The following URGCP variants were observed in gnomAD, a reference collection of about 807,000 sequenced individuals.
URGCP encodes upregulator of cell proliferation.
A neutral mutation model predicts 24.6 loss-of-function variants in URGCP; 13 were observed. The observed-to-expected ratio is 0.53, with a 90% CI of 0.34 to 0.84. The LOEUF (loss-of-function observed/expected upper bound fraction) is 0.84. Ranked by LOEUF, URGCP falls within the 40% of genes least tolerant of loss-of-function variation. URGCP has a pLI of 0.01. For missense variants in URGCP, 899 were observed against 1,194.3 expected (o/e 0.75, Z 3.64); for synonymous variants, 444 against 487.2 (o/e 0.91, Z 1.17).
chr7:43,878,097 G>C lies in URGCP; in HGVS notation c.1366C>G (p.Arg456Gly), dbSNP rs376424255. 4 of 1,614,194 alleles carry C rather than the reference G, an allele frequency of 2.5e-6. No homozygotes were observed. The highest frequency in any genetic ancestry group is 3.3e-4 in the Middle Eastern group (2 of 6,062). Residue 456 changes from arginine to glycine, a missense_variant, in exon 6 of 6, where the codon CGC becomes GGC. Physicochemically the swap from Arg to Gly is moderately radical, Grantham distance 125. Transcript: ENST00000453200. The surrounding 1 kb of genome is among the most constrained non-coding windows in gnomAD (Gnocchi z 5.6). ...VSVEDMAHAA[R>G]KLGLKVDEDC... ...TCGTCGACCTTTAGGCCCAGTTTGC[G>C]GGCTGCGTGCGCCATGTCCTCCACA...
At chr7:43,905,135 A>C (rs968142140) in intron 1 of URGCP, among the ~76,000 whole-genome samples, 1 of 152,162 alleles carries the variant, frequency 6.6e-6, no homozygotes, top group Non-Finnish European at 1.5e-5. Flanking sequence ...CCAGTGAAGC[A>C]TTAAGTCCAC....
Position 43,877,862 on chromosome 7 carries a change from T to G in URGCP, c.1601A>C (p.Glu534Ala). The G allele has an allele frequency of 6.2e-7, 1 of 1,612,206 alleles. No individual in the cohort carries two copies. The highest frequency in any genetic ancestry group is 8.5e-7 in the Non-Finnish European group (1 of 1,179,012). Residue 534 changes from glutamate (E) to alanine (A), a missense_variant, in exon 6 of 6, where the codon GAA becomes GCA. Coordinates refer to ENST00000453200, the MANE Select transcript of URGCP (RefSeq NM_001077663.3). Reference protein sequence around the residue: ...HRAELRRRLLELRMQQNGHDP... With the variant: ...HRAELRRRLLALRMQQNGHDP... Reference sequence around the variant, plus strand: ...ATGGCCGTTCTGCTGCATTCGAAGTTCTAGCAGCCGCCGCCTCAGCTCAGC... The same window carrying G: ...ATGGCCGTTCTGCTGCATTCGAAGTGCTAGCAGCCGCCGCCTCAGCTCAGC...
At chr7:43,899,300 T>G (rs2095885295) in intron 1 of URGCP, among the ~76,000 whole-genome samples, 1 of 148,918 alleles carries the variant, frequency 6.7e-6, no homozygotes, top group African/African-American at 2.4e-5. Context: ...TTTTTTTTTT[T>G]TAAGAGATGA....
chr7:43,882,772 C>T (rs1191558138), intron 3 of URGCP, among the ~76,000 whole-genome samples: 1 of 152,180 alleles, frequency 6.6e-6, no homozygotes, highest in African/African-American at 2.4e-5. Flanking sequence ...CACAGATTTG[C>T]TCTAGGATAT....
At chr7:43,900,731 G>A (rs189259986) in intron 1 of URGCP, among the ~76,000 whole-genome samples, 6 of 152,178 alleles carry the variant, frequency 3.9e-5, no homozygotes, top group Admixed American at 1.3e-4. Context: ...GATTACAGGC[G>A]TAAGCCACTG....
chr7:43,903,855 G>A (rs2095896111), intron 1 of URGCP, among the ~76,000 whole-genome samples: 1 of 152,200 alleles, frequency 6.6e-6, no homozygotes, highest in Non-Finnish European at 1.5e-5. Context: ...CAGAGAACAT[G>A]TGTTGGGACT....
At chr7:43,898,263 A>G (rs1292157153) in intron 1 of URGCP, among the ~76,000 whole-genome samples, 1 of 152,248 alleles carries the variant, frequency 6.6e-6, no homozygotes, top group Admixed American at 6.5e-5. Context: ...AAACTATCAT[A>G]AACAATGAGA....
At chr7:43,926,424 C>G, upstream of URGCP, 1 of 1,028,862 alleles carries the variant, frequency 9.7e-7, no homozygotes, top group South Asian at 3.9e-5. Context: ...CCCGCGCGCG[C>G]AAGCGCAGGC....
chr7:43,892,292 C>G (rs1157424593), intron 1 of URGCP, among the ~76,000 whole-genome samples: 3 of 145,612 alleles, frequency 2.1e-5, no homozygotes, highest in Non-Finnish European at 3.0e-5. Context: ...GGTGCAATCT[C>G]GGCTCACTGC....
chr7:43,878,650 A>G lies in URGCP; in HGVS notation c.813T>C (p.Ser271=). The part of the protein sequence containing the change: ...PAFAFVRMDV[S]SNSKSQLLNA... ...TGAGAAGCTGGGACTTGGAGTTGCT[A>G]CTGACGTCCATGCGCACGAAGGCGA... Residue 271 remains serine (S), a synonymous_variant, in exon 6 of 6, where the codon AGT becomes AGC. Transcript: ENST00000453200. The surrounding 1 kb of genome is among the most constrained non-coding windows in gnomAD (Gnocchi z 5.6). 1 of 1,613,440 alleles carries G rather than the reference A, an allele frequency of 6.2e-7. No individual in the cohort carries two copies. The highest frequency in any genetic ancestry group is 8.5e-7 in the Non-Finnish European group (1 of 1,180,036).
intron 1 of URGCP, among the ~76,000 whole-genome samples, chr7:43,900,469 C>CAAAAAAA (rs759728715): frequency 5.2e-5 from 6 of 114,482 alleles, no homozygotes; most frequent in Non-Finnish European, 1.1e-4. Context: ...AAAACCAAAA[C>CAAAAAAA]AAAAAAAAAA....
intron 3 of URGCP, among the ~76,000 whole-genome samples, chr7:43,884,444 G>A (rs1165512197): frequency 1.3e-5 from 2 of 152,172 alleles, no homozygotes; most frequent in African/African-American, 4.8e-5. Flanking sequence ...CGGAACACAG[G>A]GACAGAGGAT....
At chr7:43,918,501 G>A (rs901316547) in intron 1 of URGCP, among the ~76,000 whole-genome samples, 1 of 151,978 alleles carries the variant, frequency 6.6e-6, no homozygotes. Flanking sequence ...GGCTGGTCTT[G>A]AACTCCTGAC....
At chr7:43,888,013 T>A in intron 1 of URGCP, 197 bp from the exon 2 acceptor site, 3 of 558,306 alleles carry the variant, frequency 5.4e-6, no homozygotes, top group Non-Finnish European at 9.5e-6. Flanking sequence ...GCTGTTATAT[T>A]AATTAGTCGG....
chr7:43,889,979 A>T (rs1585805144), intron 1 of URGCP, among the ~76,000 whole-genome samples: 1 of 150,756 alleles, frequency 6.6e-6, no homozygotes, highest in Non-Finnish European at 1.5e-5. Context: ...ATCTTGGCTC[A>T]CTGCAACCTC....
rs1376144109 is a variant in URGCP, at chr7:43,876,936, C to T, written c.2527G>A (p.Gly843Ser). ...RDKRQLLDPP[G>S]DLSRAAAQME... ...TGGGCTGCAGCCCTGCTCAGGTCACCAGGTGGATCCAGGAGCTGTCTCTTG... is the reference window on the plus strand; with the variant it reads ...TGGGCTGCAGCCCTGCTCAGGTCACTAGGTGGATCCAGGAGCTGTCTCTTG... Residue 843 changes from glycine (G) to serine (S), a missense_variant, in exon 6 of 6, where the codon GGT becomes AGT. By Grantham distance (56) the Gly-to-Ser change is moderately conservative (BLOSUM62 0). Coordinates refer to ENST00000453200, the MANE Select transcript of URGCP (RefSeq NM_001077663.3). The T allele has an allele frequency of 6.2e-6, 10 of 1,613,988 alleles. No individual in the cohort carries two copies. Among genetic ancestry groups the T allele is most frequent in the Admixed American group, 5.0e-5 (3 of 60,008 alleles).
Position 43,879,229 on chromosome 7 carries a change from T to C in URGCP, c.234A>G (p.Ser78=). 1 of 1,611,616 alleles carries C rather than the reference T, an allele frequency of 6.2e-7. No homozygotes were observed. The highest frequency in any genetic ancestry group is 8.5e-7 in the Non-Finnish European group (1 of 1,179,410). The change falls in exon 6 of 6, where the codon TCA becomes TCG. Residue 78 remains serine, a synonymous_variant. Coordinates refer to ENST00000453200, the MANE Select transcript of URGCP (RefSeq NM_001077663.3). ...CCTGGTACGTCTCTAGGCCCAAAAG[T>C]GACAGCATTTCTTGAAGCCTGCTTC... ...VERSRLQEML[S]LLGLETYQVQ...
intron 1 of URGCP, chr7:43,918,761 G>A (rs1310326996): frequency 3.5e-6 from 3 of 856,294 alleles, no homozygotes; most frequent in East Asian, 2.4e-5. Context: ...TCGAGTTCTG[G>A]AAACAGCTGT....
chr7:43,913,478 A>G (rs1426891595), intron 1 of URGCP, among the ~76,000 whole-genome samples: 1 of 151,768 alleles, frequency 6.6e-6, no homozygotes, highest in Admixed American at 6.6e-5. Flanking sequence ...TCGGCCTCCC[A>G]AAGTGCTGGG....
Sources: allele counts gnomAD v4.1 joint callset (sites outside exome capture counted in the v4.1 genomes callset), GRCh38; gene constraint gnomAD v4.1.1; non-coding constraint Gnocchi (gnomAD v3.1); transcripts MANE v1.5; gene names NCBI Gene and HGNC (gene_info 2026-07-23, HGNC 2026-07-21).